The following GRIK1 variants were observed in gnomAD, a reference collection of about 807,000 sequenced individuals.
The protein encoded by GRIK1 is glutamate ionotropic receptor kainate type subunit 1, also known as glutamate receptor ionotropic, kainate 1.
Under a neutral mutation model 105.7 loss-of-function variants are expected in GRIK1, and 69 were observed. The ratio of observed to expected loss-of-function variants is 0.65; its 90% CI spans 0.54 to 0.80. GRIK1 has a LOEUF of 0.80. Among genes scored for constraint, GRIK1 ranks in the 30% least tolerant of loss-of-function variants. GRIK1 has a pLI of 0.00. For synonymous variants in GRIK1, 438 were observed against 431.3 expected (o/e 1.02, Z -0.19); for missense variants, 1,109 against 1,167.3 (o/e 0.95, Z 0.73).
At chr21:29,738,288 TATGC>T (rs1313029254) in intron 1 of GRIK1, among the ~76,000 whole-genome samples, 1 of 152,268 alleles carries the variant, frequency 6.6e-6, no homozygotes, top group Non-Finnish European at 1.5e-5. Context: ...CATATGTGTA[TATGC>T]ATGCATTTCT....
intron 1 of GRIK1, among the ~76,000 whole-genome samples, chr21:29,828,320 A>G (rs998809925): frequency 6.6e-6 from 1 of 152,016 alleles, no homozygotes; most frequent in African/African-American, 2.4e-5. Flanking sequence ...ATTTATACCG[A>G]AAAACCTTAG....
chr21:29,662,130 G>A (rs1379810757), intron 4 of GRIK1, among the ~76,000 whole-genome samples: 1 of 152,212 alleles, frequency 6.6e-6, no homozygotes, highest in African/African-American at 2.4e-5. Context: ...GTCTGCAGGA[G>A]AAAGGAAGCT....
At chr21:29,787,314 G>A (rs925664542) in intron 1 of GRIK1, among the ~76,000 whole-genome samples, 2 of 152,130 alleles carry the variant, frequency 1.3e-5, no homozygotes, top group Non-Finnish European at 2.9e-5. Flanking sequence ...AAAGATATTA[G>A]ATAACTCTAC....
rs75648180 is a variant in GRIK1, at chr21:29,825,650, G to C, written c.118+113733C>G. Among the ~76,000 whole-genome samples the C allele has an allele frequency of 2.4e-4, 37 of 152,118 alleles. 3 individuals carry two copies. The East Asian group carries it at 7.2e-3, about 29-fold the overall frequency. ...TTTAAGTTTCTGTGAATCATTTTAAGAGATTACATAAAAGAAAAATATGAA... is the reference window on the plus strand; with the variant it reads ...TTTAAGTTTCTGTGAATCATTTTAACAGATTACATAAAAGAAAAATATGAA... On this transcript the variant is annotated intron_variant, in intron 1 of 17. Transcript: ENST00000327783.
rs534235080 is a variant in GRIK1, at chr21:29,616,873, T to G, written c.1099-17936A>C. ...ATACATTCTGCCTATTGTAGAATAA[T>G]TAAGTTGAAATGGTAAAAGTCAGTT... is the stretch of plus-strand genomic sequence containing the variant. On this transcript the variant is annotated intron_variant, in intron 7 of 17. Coordinates refer to ENST00000327783, the MANE Select transcript of GRIK1 (RefSeq NM_001330994.2). Among the ~76,000 whole-genome samples the G allele has an allele frequency of 5.6e-4, 85 of 152,250 alleles. 1 individual carries two copies. The highest frequency in any genetic ancestry group is 1.0e-3 in the Non-Finnish European group (69 of 68,044).
chr21:29,754,541 G>A (rs943479979), intron 1 of GRIK1, among the ~76,000 whole-genome samples: 5 of 152,108 alleles, frequency 3.3e-5, no homozygotes, highest in African/African-American at 1.2e-4. Flanking sequence ...CCTCGCCCTG[G>A]GATTTCTGTG....
intron 1 of GRIK1, among the ~76,000 whole-genome samples, chr21:29,910,023 A>G (rs938982830): frequency 2.6e-5 from 4 of 152,108 alleles, no homozygotes; most frequent in African/African-American, 9.7e-5. Flanking sequence ...GACCTTTTCC[A>G]TTAAAGGTGA....
intron 7 of GRIK1, among the ~76,000 whole-genome samples, chr21:29,636,232 T>C (rs1267656940): frequency 6.6e-6 from 1 of 152,198 alleles, no homozygotes; most frequent in East Asian, 1.9e-4. Flanking sequence ...TTAAATCAAC[T>C]TGGACTTTTG....
At chr21:29,934,851 G>A (rs530513547) in intron 1 of GRIK1, among the ~76,000 whole-genome samples, 1 of 152,176 alleles carries the variant, frequency 6.6e-6, no homozygotes, top group African/African-American at 2.4e-5. Flanking sequence ...AATATTAAAT[G>A]CAAAGATGAA....
intron 8 of GRIK1, 24 bp downstream of exon 8, chr21:29,598,805 AT>A (rs1173582124): frequency 2.0e-6 from 2 of 997,446 alleles, no homozygotes; most frequent in East Asian, 5.0e-5. Context: ...TTGTTATTTT[AT>A]TTATTTATTG....
At chr21:29,806,918 T>C (rs537597181) in intron 1 of GRIK1, among the ~76,000 whole-genome samples, 1 of 152,342 alleles carries the variant, frequency 6.6e-6, no homozygotes, top group South Asian at 2.1e-4. Context: ...CTATTATTGT[T>C]GGACATGACC....
intron 1 of GRIK1, 23 bp from the exon 2 acceptor site, chr21:29,694,086 T>C: frequency 2.0e-6 from 3 of 1,500,826 alleles, no homozygotes; most frequent in Non-Finnish European, 2.8e-6. Context: ...AAGAGATGCA[T>C]GAGAAGCGTT....
chr21:29,669,615 C>T (rs2063126444), intron 4 of GRIK1, among the ~76,000 whole-genome samples: 1 of 152,132 alleles, frequency 6.6e-6, no homozygotes, highest in Non-Finnish European at 1.5e-5. Context: ...AGAGAATGAC[C>T]TTATATGGGT....
chr21:29,920,085 G>A (rs1188139820), intron 1 of GRIK1, among the ~76,000 whole-genome samples: 1 of 152,020 alleles, frequency 6.6e-6, no homozygotes, highest in Non-Finnish European at 1.5e-5. Flanking sequence ...TATTTTGAAT[G>A]TTTTTTTCCC....
At chr21:29,908,286 G>C (rs458064) in intron 1 of GRIK1, among the ~76,000 whole-genome samples, 1 of 151,830 alleles carries the variant, frequency 6.6e-6, no homozygotes, top group East Asian at 1.9e-4. Flanking sequence ...TAATAACTCA[G>C]TTTCCTAGAT....
chr21:29,758,294 A>G (rs1328140995), intron 1 of GRIK1, among the ~76,000 whole-genome samples: 1 of 152,224 alleles, frequency 6.6e-6, no homozygotes, highest in East Asian at 1.9e-4. Flanking sequence ...TTATAAAGAA[A>G]AGAGGTTTAA....
intron 1 of GRIK1, among the ~76,000 whole-genome samples, chr21:29,770,314 T>G (rs2065783331): frequency 6.6e-6 from 1 of 152,196 alleles, no homozygotes; most frequent in Admixed American, 6.5e-5. Context: ...CCAATCTGCT[T>G]CTCCAGTAGT....
chr21:29,827,166 AC>A (rs2067483736), intron 1 of GRIK1, among the ~76,000 whole-genome samples: 1 of 152,116 alleles, frequency 6.6e-6, no homozygotes, highest in African/African-American at 2.4e-5. Flanking sequence ...GAAAAGCCTA[AC>A]TTAATAAAGA....
chr21:29,919,262 G>A (rs1345234218), intron 1 of GRIK1, among the ~76,000 whole-genome samples: 1 of 152,160 alleles, frequency 6.6e-6, no homozygotes, highest in Non-Finnish European at 1.5e-5. Flanking sequence ...CACTTGTGAT[G>A]CAACTCCTAA....
Sources: gnomAD v4.1 joint callset for allele counts (sites outside exome capture counted in the v4.1 genomes callset) on GRCh38, gnomAD v4.1.1 for gene constraint, MANE v1.5 for transcripts, NCBI Gene and HGNC (gene_info 2026-07-23, HGNC 2026-07-21) for gene names.